TES: variants seen among roughly 807,000 people sequenced by gnomAD.
TES encodes testin.
A neutral mutation model predicts 48.2 loss-of-function variants in TES; 41 were observed. That is an observed-to-expected ratio of 0.85 (90% CI 0.66 to 1.10). TES has a LOEUF of 1.10. TES is among the 50% of genes least tolerant of loss of function. TES has a pLI of 0.00. For missense variants in TES, 463 were observed against 515.1 expected (o/e 0.90, Z 0.98); for synonymous variants, 162 against 174.9 (o/e 0.93, Z 0.58).
At chr7:116,254,315 CTT>C (rs922719310) in intron 6 of TES, among the ~76,000 whole-genome samples, 2 of 133,126 alleles carry the variant, frequency 1.5e-5, no homozygotes, top group Non-Finnish European at 3.2e-5. Context: ...GATGAAACTG[CTT>C]TTTTTTCTTT....
In TES at chr7:116,251,824, G is replaced by A. The variant is rs905995512; in HGVS notation, c.767G>A (p.Gly256Asp). 6 of 1,614,208 alleles carry A rather than the reference G, an allele frequency of 3.7e-6. No individual in the cohort carries two copies. Among genetic ancestry groups the A allele is most frequent in the East Asian group, 2.2e-5 (1 of 44,884 alleles). Reference protein sequence around the residue: ...GDPAIYAERAGYDKLWHPACF... With the variant: ...GDPAIYAERADYDKLWHPACF... ...CCAGCCATCTATGCCGAAAGGGCTG[G>A]CTATGATAAACTGTGGCACCCAGCT... The change falls in exon 5 of 7, where the codon GGC (glycine) becomes GAC (aspartate). Residue 256 changes from glycine to aspartate, a missense_variant. Gly to Asp is a moderately conservative substitution (Grantham distance 94). Coordinates refer to ENST00000358204, the MANE Select transcript of TES (RefSeq NM_015641.4).
rs1800121764 is a variant in TES at position 116,257,622 on chromosome 7, C to T, written c.*140C>T. 1.2e-6 allele frequency: 1 copy of T among 845,238 alleles called. No individual in the cohort carries two copies. Among genetic ancestry groups the T allele is most frequent in the Non-Finnish European group, 1.6e-6 (1 of 616,648 alleles). 52.4% of individuals were successfully genotyped at this position (845,238 alleles called of 1,614,324 possible). ...AGAGATTTTGTTTAATTTTTTTGGC[C>T]ATTTTTTCTTCATCAATTTTTTTTC... is the stretch of plus-strand genomic sequence containing the variant. On this transcript the variant is annotated 3_prime_UTR_variant, in exon 7 of 7. Coordinates refer to ENST00000358204, the MANE Select transcript of TES (RefSeq NM_015641.4).
At chr7:116,224,707 A>G (rs117854349) in intron 1 of TES, among the ~76,000 whole-genome samples, 92 of 152,288 alleles carry the variant, frequency 6.0e-4, no homozygotes, top group Middle Eastern at 3.4e-3. Flanking sequence ...GCAGACATTC[A>G]GCTTCCTCAT....
chr7:116,256,554 C>T (rs1481717450), intron 6 of TES, among the ~76,000 whole-genome samples: 1 of 152,140 alleles, frequency 6.6e-6, no homozygotes, highest in Non-Finnish European at 1.5e-5. Context: ...TATTCATTTT[C>T]CTCATGTGCA....
At chr7:116,246,394 A>G (rs1378023658) in intron 2 of TES, among the ~76,000 whole-genome samples, 5 of 152,244 alleles carry the variant, frequency 3.3e-5, no homozygotes, top group South Asian at 4.1e-4. Context: ...CATTTACCAC[A>G]TGGCAGATAT....
chr7:116,231,408 A>G lies in TES; in HGVS notation c.28-3126A>G, dbSNP rs1298125676. On this transcript the variant is annotated intron_variant, in intron 1 of 6. Coordinates refer to ENST00000358204, the MANE Select transcript of TES (RefSeq NM_015641.4). ...ATTCTGAGCCAAATATGAGTGATCA[A>G]TGGCCTATGACACAGCCCTGAGGAG... Among the ~76,000 whole-genome samples, 5 of 152,240 alleles carry G rather than the reference A, an allele frequency of 3.3e-5. No individual in the cohort carries two copies. In the East Asian group the frequency reaches 5.8e-4, roughly 18 times the overall value.
At chr7:116,212,055 C>A (rs899575659) in intron 1 of TES, among the ~76,000 whole-genome samples, 13 of 151,926 alleles carry the variant, frequency 8.6e-5, no homozygotes, top group African/African-American at 2.7e-4. Flanking sequence ...TTTGGTTAAT[C>A]TTGCTTGTCA....
intron 2 of TES, among the ~76,000 whole-genome samples, chr7:116,236,033 T>A (rs944336468): frequency 2.0e-5 from 3 of 152,194 alleles, no homozygotes; most frequent in African/African-American, 7.2e-5. Flanking sequence ...TTTACAAGAC[T>A]TAAGCAGCTC....
At chr7:116,230,643 G>A (rs1018193187) in intron 1 of TES, among the ~76,000 whole-genome samples, 1 of 152,192 alleles carries the variant, frequency 6.6e-6, no homozygotes, top group Non-Finnish European at 1.5e-5. Context: ...CCTCTGTTAA[G>A]CTGGTAGCCT....
intron 6 of TES, among the ~76,000 whole-genome samples, chr7:116,256,248 A>G (rs986990971): frequency 6.6e-6 from 1 of 152,154 alleles, no homozygotes; most frequent in Non-Finnish European, 1.5e-5. Context: ...TAGCAGCCAC[A>G]TTTTGAAGTC....
intron 6 of TES, among the ~76,000 whole-genome samples, chr7:116,256,278 A>C (rs566908859): frequency 6.6e-6 from 1 of 151,642 alleles, no homozygotes; most frequent in Non-Finnish European, 1.5e-5. Flanking sequence ...AAGGAGGCTC[A>C]AGCTGAATGA....
At chr7:116,250,931 A>G (rs909709108) in intron 4 of TES, among the ~76,000 whole-genome samples, 1 of 152,198 alleles carries the variant, frequency 6.6e-6, no homozygotes, top group Non-Finnish European at 1.5e-5. Context: ...TTGTGGATAT[A>G]TAGTGAAGCT....
In TES at chr7:116,249,220, C is replaced by T. The variant is rs1343615827; in HGVS notation, c.314C>T (p.Ser105Phe). ...CCAGTTGCTGCCAAGAAGAATGTCT[C>T]CATCAATACAGTTACCTATGAGTGG... ...TNPVAAKKNV[S>F]INTVTYEWAP... Residue 105 changes from serine to phenylalanine, a missense_variant, in exon 3 of 7, where the codon TCC becomes TTC. Coordinates refer to ENST00000358204, the MANE Select transcript of TES (RefSeq NM_015641.4). 8 of 1,614,064 alleles carry T rather than the reference C, an allele frequency of 5.0e-6. No homozygotes were observed. Among genetic ancestry groups the T allele is most frequent in the Non-Finnish European group, 5.9e-6 (7 of 1,179,954 alleles).
In TES at chr7:116,250,456, C is replaced by T. The variant is rs2272193; in HGVS notation, c.662C>T (p.Ala221Val). The change falls in exon 4 of 7, where the codon GCC becomes GTC. Residue 221 changes from alanine (A) to valine (V), a missense_variant. Coordinates refer to ENST00000358204, the MANE Select transcript of TES (RefSeq NM_015641.4). The part of the protein sequence containing the change: ...GDRSTPAAVG[A>V]MEDKSAEHKR... ...AGAAGCACCCCAGCAGCAGTGGGGG[C>T]CATGGAGGACAAATCTGCTGAGCAC... The T allele has an allele frequency of 2.9e-3, 4,556 of 1,580,680 alleles. 110 individuals carry two copies. In the East Asian group the frequency reaches 0.049, roughly 17 times the overall value.
chr7:116,218,698 T>C (rs1037015492), intron 1 of TES, among the ~76,000 whole-genome samples: 3 of 151,662 alleles, frequency 2.0e-5, no homozygotes, highest in African/African-American at 7.3e-5. Context: ...CTTTGATAGA[T>C]TTTTTTTTAA....
At chr7:116,219,471 A>T (rs563976888) in intron 1 of TES, among the ~76,000 whole-genome samples, 1 of 152,154 alleles carries the variant, frequency 6.6e-6, no homozygotes, top group African/African-American at 2.4e-5. Flanking sequence ...AGTCTAGCTC[A>T]TTTAGGCTGG....
intron 1 of TES, among the ~76,000 whole-genome samples, chr7:116,215,108 G>A (rs1250230224): frequency 2.6e-5 from 4 of 152,138 alleles, no homozygotes; most frequent in Non-Finnish European, 5.9e-5. Context: ...GTAGGCCTTA[G>A]CCCCATTTTC....
At chr7:116,251,682 C>CAA (rs766628460) in intron 4 of TES, 78 bp from the exon 5 acceptor site, 629 of 1,069,446 alleles carry the variant, frequency 5.9e-4, no homozygotes, top group Non-Finnish European at 7.2e-4. Flanking sequence ...GACTCAGTCT[C>CAA]AAAAAAAAAA....
chr7:116,240,624 C>T (rs1389834252), intron 2 of TES, among the ~76,000 whole-genome samples: 1 of 152,152 alleles, frequency 6.6e-6, no homozygotes, highest in African/African-American at 2.4e-5. Flanking sequence ...TGCCAATCCA[C>T]CTTTGCACCT....
Sources: gnomAD v4.1 joint callset for allele counts (sites outside exome capture counted in the v4.1 genomes callset) on GRCh38, gnomAD v4.1.1 for gene constraint, MANE v1.5 for transcripts, NCBI Gene and HGNC (gene_info 2026-07-23, HGNC 2026-07-21) for gene names.